Variants in MRPS9 observed in about 807,000 individuals in gnomAD.
MRPS9 encodes the protein mitochondrial ribosomal protein S9, also known as small ribosomal subunit protein uS9m.
Under a neutral mutation model 59.9 loss-of-function variants are expected in MRPS9, and 45 were observed. The observed-to-expected ratio is 0.75, with a 90% CI of 0.59 to 0.96. MRPS9 has a LOEUF of 0.96. MRPS9 is among the 40% of genes least tolerant of loss of function. MRPS9 has a pLI of 0.00. For synonymous variants in MRPS9, 171 were observed against 166.8 expected (o/e 1.03, Z -0.19); for missense variants, 473 against 481.1 (o/e 0.98, Z 0.16).
In MRPS9 at chr2:105,093,520, A is replaced by G. The variant is rs1680600092; in HGVS notation, c.821-10A>G. ...AGATATTTACTAATAGGAATTTTATATTTTTGAAGGTAAAAGAAAGACTGC... is the reference window on the plus strand; with the variant it reads ...AGATATTTACTAATAGGAATTTTATGTTTTTGAAGGTAAAAGAAAGACTGC... On this transcript the variant is annotated splice_polypyrimidine_tract_variant and intron_variant, in intron 8 of 10. Transcript: ENST00000258455. The G allele has an allele frequency of 1.3e-6, 2 of 1,505,030 alleles. No homozygotes were observed. Among genetic ancestry groups the G allele is most frequent in the Middle Eastern group, 3.5e-4 (2 of 5,700 alleles). 93.2% of individuals were successfully genotyped at this position (1,505,030 alleles called of 1,614,324 possible). A position where few individuals can be genotyped will look rare whatever the true frequency, so the allele number is the denominator to read the frequency against.
intron 8 of MRPS9, among the ~76,000 whole-genome samples, chr2:105,092,955 T>G (rs1374005009): frequency 6.6e-6 from 1 of 152,204 alleles, no homozygotes; most frequent in Non-Finnish European, 1.5e-5. Flanking sequence ...ATGTGAAAAC[T>G]TCACGTCCTT....
intron 4 of MRPS9, among the ~76,000 whole-genome samples, chr2:105,076,928 A>G (rs753048538): frequency 8.5e-5 from 13 of 152,170 alleles, no homozygotes; most frequent in Non-Finnish European, 7.4e-5. Context: ...AGTACCAGTA[A>G]GCATTTGAAA....
rs772854484 is a variant in MRPS9 at position 105,049,236 on chromosome 2, A to C, written c.201A>C (p.Glu67Asp). The C allele has an allele frequency of 5.0e-6, 8 of 1,613,452 alleles. No homozygotes were observed. In the African/African-American group the frequency reaches 1.1e-4, roughly 22 times the overall value. Residue 67 changes from glutamate (E) to aspartate (D), a missense_variant, in exon 2 of 11, where the codon GAA becomes GAC. By Grantham distance (45) the Glu-to-Asp change is conservative. Coordinates refer to ENST00000258455, the MANE Select transcript of MRPS9 (RefSeq NM_182640.3). ...PKKNVPTSKR[E>D]TYTEDFIKKQ... ...AAAACGTTCCTACCTCAAAACGTGA[A>C]ACTTACACAGAGGATTTTATTAAAA...
At chr2:105,070,582 G>A (rs761145613) in intron 2 of MRPS9, among the ~76,000 whole-genome samples, 27 of 152,136 alleles carry the variant, frequency 1.8e-4, no homozygotes, top group Admixed American at 3.9e-4. Flanking sequence ...GTTGTGAGGC[G>A]GGGCATTGGA....
At chr2:105,099,349 C>G (rs1027248068) in intron 10 of MRPS9, 1 of 193,296 alleles carries the variant, frequency 5.2e-6, no homozygotes, top group Non-Finnish European at 1.1e-5. Context: ...GAATAGTGAC[C>G]GCCCACACAA....
chr2:105,088,033 T>C lies in MRPS9; in HGVS notation c.490-951T>C, dbSNP rs867267326. ...TTGAAATTATTAAGACTGTTTGAGA[T>C]ATGGATTGACACATCTCTATCAGTA... On this transcript the variant is annotated intron_variant, in intron 5 of 10. Coordinates refer to ENST00000258455, the MANE Select transcript of MRPS9 (RefSeq NM_182640.3). Among the ~76,000 whole-genome samples, 12 of 151,698 alleles carry C rather than the reference T, an allele frequency of 7.9e-5. No individual in the cohort carries two copies. In the Middle Eastern group the frequency reaches 0.01, roughly 130 times the overall value.
intron 6 of MRPS9, among the ~76,000 whole-genome samples, chr2:105,089,300 C>G (rs1478626026): frequency 6.6e-6 from 1 of 152,172 alleles, no homozygotes; most frequent in African/African-American, 2.4e-5. Context: ...TATTTAATTA[C>G]TATACCTGGA....
intron 2 of MRPS9, among the ~76,000 whole-genome samples, chr2:105,069,390 T>A (rs527675867): frequency 2.1e-4 from 32 of 152,232 alleles, no homozygotes; most frequent in Admixed American, 2.0e-3. Flanking sequence ...AATTTTTGTA[T>A]TTTTAGTAGA....
chr2:105,082,201 T>C (rs910107416), intron 5 of MRPS9, among the ~76,000 whole-genome samples: 1 of 152,152 alleles, frequency 6.6e-6, no homozygotes, highest in South Asian at 2.1e-4. Context: ...CTTTAAAGAG[T>C]TGGAAATGAA....
chr2:105,038,364 G>A (rs1394681363), intron 1 of MRPS9, 137 bp downstream of exon 1: 3 of 1,201,898 alleles, frequency 2.5e-6, no homozygotes, highest in Non-Finnish European at 3.4e-6. Flanking sequence ...GAGGTCTGAG[G>A]TTGGGGGGGA....
At chr2:105,077,077 TC>T (rs1054310728) in intron 4 of MRPS9, among the ~76,000 whole-genome samples, 10 of 152,132 alleles carry the variant, frequency 6.6e-5, no homozygotes, top group African/African-American at 2.4e-4. Flanking sequence ...GGAAACCCCA[TC>T]TCTACTAAAA....
intron 2 of MRPS9, among the ~76,000 whole-genome samples, chr2:105,052,325 G>A (rs1433835135): frequency 6.6e-6 from 1 of 152,046 alleles, no homozygotes; most frequent in Non-Finnish European, 1.5e-5. Flanking sequence ...TTTTGTTGTT[G>A]TGGTTAGTGT....
rs775493440 is a variant in MRPS9, at chr2:105,038,143, T to A, written c.51T>A (p.Leu17=). 3 of 1,613,726 alleles carry A rather than the reference T, an allele frequency of 1.9e-6. No individual in the cohort carries two copies. Among genetic ancestry groups the A allele is most frequent in the Non-Finnish European group, 2.5e-6 (3 of 1,179,970 alleles). Residue 17 remains leucine (L), a synonymous_variant, in exon 1 of 11, where the codon CTT becomes CTA. Coordinates refer to ENST00000258455, the MANE Select transcript of MRPS9 (RefSeq NM_182640.3). Reference sequence around the variant, plus strand: ...GCGGAGCAGTTTCGTACCGGCTTCTTCTCTGGGGTAGGGGTAGCCTCGCCC... The same window carrying A: ...GCGGAGCAGTTTCGTACCGGCTTCTACTCTGGGGTAGGGGTAGCCTCGCCC... ...SYGGAVSYRL[L]LWGRGSLARK... is the part of the protein sequence containing the mutation.
At chr2:105,043,507 C>T (rs965194323) in intron 1 of MRPS9, among the ~76,000 whole-genome samples, 1 of 152,150 alleles carries the variant, frequency 6.6e-6, no homozygotes, top group African/African-American at 2.4e-5. Context: ...GTTGGAATAC[C>T]GTTTTGTCTT....
chr2:105,066,095 A>G (rs1679995463), intron 2 of MRPS9, among the ~76,000 whole-genome samples: 1 of 152,184 alleles, frequency 6.6e-6, no homozygotes. Context: ...TCTGTTTTGT[A>G]TGTTTTGTTA....
chr2:105,071,250 T>C, intron 2 of MRPS9, 63 bp from the exon 3 acceptor site: 1 of 1,353,312 alleles, frequency 7.4e-7, no homozygotes, highest in Non-Finnish European at 1.0e-6. Flanking sequence ...AAGCACTCTA[T>C]AACTATTAGT....
At chr2:105,060,549 G>A (rs375175944) in intron 2 of MRPS9, among the ~76,000 whole-genome samples, 11 of 152,096 alleles carry the variant, frequency 7.2e-5, no homozygotes, top group African/African-American at 2.4e-4. Context: ...CCAAAGTGCT[G>A]GGATTATAGG....
rs1348601597 is a variant in MRPS9 at position 105,099,948 on chromosome 2, A to G, written c.*187A>G. The G allele has an allele frequency of 6.2e-6, 3 of 482,980 alleles. No homozygotes were observed. Among genetic ancestry groups the G allele is most frequent in the African/African-American group, 2.0e-5 (1 of 51,242 alleles). The allele number at this position is 482,980 out of a possible 1,614,324, so 29.9% of individuals were successfully genotyped here. On this transcript the variant is annotated 3_prime_UTR_variant, in exon 11 of 11. Coordinates refer to ENST00000258455, the MANE Select transcript of MRPS9 (RefSeq NM_182640.3). The stretch of plus-strand genomic sequence containing the variant: ...TTTAAAAAATAAAAGGAAAATAAAG[A>G]ATGTTAGTTTCATTCTGCCGCTTTA...
chr2:105,065,674 T>C (rs1215848564), intron 2 of MRPS9, among the ~76,000 whole-genome samples: 1 of 152,238 alleles, frequency 6.6e-6, no homozygotes, highest in Non-Finnish European at 1.5e-5. Context: ...CACTGCTTCC[T>C]TTCTTTTGAA....
Sources: allele counts gnomAD v4.1 joint callset (sites outside exome capture counted in the v4.1 genomes callset), GRCh38; gene constraint gnomAD v4.1.1; transcripts MANE v1.5; gene names NCBI Gene and HGNC (gene_info 2026-07-23, HGNC 2026-07-21).